The following SPIDR variants were observed in gnomAD, a reference collection of about 807,000 sequenced individuals.
SPIDR encodes scaffold protein involved in DNA repair, also known as DNA repair-scaffolding protein.
A neutral mutation model predicts 104.6 loss-of-function variants in SPIDR; 93 were observed. That is an observed-to-expected ratio of 0.89 (90% CI 0.75 to 1.06). SPIDR has a LOEUF of 1.06. Ranked by LOEUF, SPIDR falls within the 50% of genes least tolerant of loss-of-function variation. The pLI is 0.00. For missense variants in SPIDR, 1,154 were observed against 1,111.2 expected, an observed-to-expected ratio of 1.04 and a Z score of -0.55; for synonymous variants, 431 against 416.9, an observed-to-expected ratio of 1.03 and a Z score of -0.41.
intron 9 of SPIDR, among the ~76,000 whole-genome samples, chr8:47,596,274 C>G (rs1194457251): frequency 1.3e-5 from 2 of 152,278 alleles, no homozygotes; most frequent in Middle Eastern, 6.8e-3. Flanking sequence ...TCATGCATCA[C>G]TTAACAGGGA....
At chr8:47,473,822 G>T (rs1263852384) in intron 8 of SPIDR, among the ~76,000 whole-genome samples, 3 of 152,282 alleles carry the variant, frequency 2.0e-5, no homozygotes, top group Non-Finnish European at 4.4e-5. Context: ...CCAGGAGGAG[G>T]ATGGGAATTT....
At chr8:47,325,787 GATC>G (rs1325568525) in intron 5 of SPIDR, among the ~76,000 whole-genome samples, 1 of 152,146 alleles carries the variant, frequency 6.6e-6, no homozygotes, top group Non-Finnish European at 1.5e-5. Flanking sequence ...CCTGAGGTGG[GATC>G]ATTGCCTCCT....
rs367985857 is a variant in SPIDR at position 47,496,216 on chromosome 8, C to A, written c.1097+55674C>A. On this transcript the variant is annotated intron_variant, in intron 8 of 19. Transcript: ENST00000297423. ...CTTGCCTCATTTCCCTGACTGGAAC[C>A]TCTAGTACAATGTCGAATAGAAGTG... Among the ~76,000 whole-genome samples the A allele has an allele frequency of 1.8e-4, 27 of 152,174 alleles. No homozygotes were observed. The South Asian group carries it at 3.9e-3, about 22-fold the overall frequency.
At chr8:47,270,307 T>C (rs1470076455) in intron 1 of SPIDR, among the ~76,000 whole-genome samples, 1 of 152,190 alleles carries the variant, frequency 6.6e-6, no homozygotes, top group Non-Finnish European at 1.5e-5. Flanking sequence ...TCAATCTCTT[T>C]GTTTGTTACA....
chr8:47,331,989 C>CTTTTTTTTTTTTTTTTTT (rs1289524835), intron 5 of SPIDR, among the ~76,000 whole-genome samples: 1 of 36,324 alleles, frequency 2.8e-5, no homozygotes, highest in Non-Finnish European at 5.5e-5. Flanking sequence ...TTTTTTTTCT[C>CTTTTTTTTTTTTTTTTTT]TTTTTTTTTT....
chr8:47,645,395 T>C (rs2070144885), intron 10 of SPIDR, among the ~76,000 whole-genome samples: 1 of 151,748 alleles, frequency 6.6e-6, no homozygotes, highest in East Asian at 1.9e-4. Flanking sequence ...GTCATTGAGG[T>C]GAGGGGTGAC....
chr8:47,679,418 C>T (rs1265136925), intron 11 of SPIDR, among the ~76,000 whole-genome samples: 1 of 150,724 alleles, frequency 6.6e-6, no homozygotes, highest in African/African-American at 2.4e-5. Flanking sequence ...CACCTTCCCC[C>T]GCCCCCTCCA....
Position 47,701,992 on chromosome 8 carries a change from A to G in SPIDR, c.1954A>G (p.Thr652Ala), listed in dbSNP as rs61735903. ...TGGTACCCGTTGCAGTTTCTATGCC[A>G]CGGTGATTTACCAAAAACCACAGGT... ...DLGTRCSFYA[T>A]VIYQKPQLKS... is the part of the protein sequence containing the mutation. Residue 652 changes from threonine to alanine, a missense_variant, in exon 14 of 20, where the codon ACG becomes GCG. By Grantham distance (58) the Thr-to-Ala change is moderately conservative. Transcript: ENST00000297423. The G allele has an allele frequency of 1.9e-3, 3,114 of 1,613,058 alleles. 57 individuals are homozygous for G. The African/African-American group carries it at 0.035, about 18-fold the overall frequency.
At chr8:47,490,462 G>C (rs1030855448) in intron 8 of SPIDR, among the ~76,000 whole-genome samples, 1 of 152,192 alleles carries the variant, frequency 6.6e-6, no homozygotes, top group African/African-American at 2.4e-5. Flanking sequence ...TCTAGAACTA[G>C]AAATACCATT....
intron 3 of SPIDR, among the ~76,000 whole-genome samples, chr8:47,287,365 C>T (rs1403778248): frequency 6.6e-6 from 1 of 151,602 alleles, no homozygotes; most frequent in Non-Finnish European, 1.5e-5. Context: ...TCTTGATAAA[C>T]ATCTTAAACA....
intron 7 of SPIDR, among the ~76,000 whole-genome samples, chr8:47,423,776 C>T (rs1474659636): frequency 1.3e-5 from 2 of 152,104 alleles, no homozygotes; most frequent in Admixed American, 6.6e-5. Context: ...GCCTTGGAAA[C>T]CTGCACTTTA....
rs1284225399 is a variant in SPIDR, at chr8:47,436,113, A to G, written c.878-4210A>G. On this transcript the variant is annotated intron_variant, in intron 7 of 19. Transcript: ENST00000297423. ...CAGTGGCTGCCATCCTTGCATGGCC[A>G]GGCACTTCGTGGTACATTTGCTGTG... Among the ~76,000 whole-genome samples, 9 of 152,192 alleles carry G rather than the reference A, an allele frequency of 5.9e-5. 1 individual carries two copies. Among genetic ancestry groups the G allele is most frequent in the Admixed American group, 5.9e-4 (9 of 15,282 alleles).
chr8:47,461,131 A>C (rs1437660902), intron 8 of SPIDR, among the ~76,000 whole-genome samples: 1 of 152,204 alleles, frequency 6.6e-6, no homozygotes, highest in Non-Finnish European at 1.5e-5. Flanking sequence ...CAGTATGCCT[A>C]GGCAATGATC....
intron 11 of SPIDR, among the ~76,000 whole-genome samples, chr8:47,674,383 G>A (rs2076158727): frequency 6.6e-6 from 1 of 152,144 alleles, no homozygotes. Context: ...TTCTCTGCCA[G>A]GTTTCATGGC....
chr8:47,369,848 T>C (rs1368541464), intron 5 of SPIDR, among the ~76,000 whole-genome samples: 3 of 152,218 alleles, frequency 2.0e-5, no homozygotes, highest in Admixed American at 1.3e-4. Flanking sequence ...AGTGCTGTTT[T>C]CCCTTATAGT....
intron 8 of SPIDR, among the ~76,000 whole-genome samples, chr8:47,554,683 G>A (rs1008820192): frequency 5.9e-5 from 9 of 152,120 alleles, no homozygotes; most frequent in East Asian, 1.9e-4. Context: ...GGAATTCCCC[G>A]ACCCCTTGCG....
intron 7 of SPIDR, among the ~76,000 whole-genome samples, chr8:47,438,981 A>G (rs547875830): frequency 6.6e-6 from 1 of 152,240 alleles, no homozygotes; most frequent in African/African-American, 2.4e-5. Context: ...TGGTAAAGAA[A>G]CTCATATTAG....
At chr8:47,283,437 T>C (rs2038208447) in intron 2 of SPIDR, among the ~76,000 whole-genome samples, 1 of 152,160 alleles carries the variant, frequency 6.6e-6, no homozygotes, top group Non-Finnish European at 1.5e-5. Context: ...CAGACCATCA[T>C]AGCAGATTTA....
intron 11 of SPIDR, among the ~76,000 whole-genome samples, chr8:47,691,423 A>G (rs1452756590): frequency 6.6e-6 from 1 of 152,208 alleles, no homozygotes; most frequent in Non-Finnish European, 1.5e-5. Flanking sequence ...AGCGGAGATC[A>G]ATCTCTGGAG....
Sources: gnomAD v4.1 joint callset for allele counts (sites outside exome capture counted in the v4.1 genomes callset) on GRCh38, gnomAD v4.1.1 for gene constraint, MANE v1.5 for transcripts, NCBI Gene and HGNC (gene_info 2026-07-23, HGNC 2026-07-21) for gene names.